Variants in SMYD3 observed in about 807,000 individuals in gnomAD.
SMYD3 encodes the protein histone-lysine N-methyltransferase SMYD3.
SMYD3 carries 36 observed loss-of-function variants against 57.7 expected under a neutral mutation model. That is an observed-to-expected ratio of 0.62 (90% CI 0.48 to 0.82). The LOEUF is 0.82. Among genes scored for constraint, SMYD3 ranks in the 40% least tolerant of loss-of-function variants. SMYD3 has a pLI of 0.00. For synonymous variants in SMYD3, 211 were observed against 195.0 expected, an observed-to-expected ratio of 1.08 and a Z score of -0.68; for missense variants, 515 against 538.8, an observed-to-expected ratio of 0.96 and a Z score of 0.44.
intron 11 of SMYD3, among the ~76,000 whole-genome samples, chr1:245,757,626 T>A (rs1369275577): frequency 6.6e-6 from 1 of 152,142 alleles, no homozygotes. Flanking sequence ...AGGGTCTAAC[T>A]TTATTCTTTT....
At chr1:245,870,069 C>T (rs1210987730) in intron 8 of SMYD3, among the ~76,000 whole-genome samples, 3 of 152,150 alleles carry the variant, frequency 2.0e-5, no homozygotes, top group Non-Finnish European at 4.4e-5. Flanking sequence ...CCAGTGCCTG[C>T]AAGGTAAATC....
At chr1:246,161,633 A>G (rs941933186) in intron 5 of SMYD3, among the ~76,000 whole-genome samples, 1 of 152,248 alleles carries the variant, frequency 6.6e-6, no homozygotes, top group Admixed American at 6.5e-5. Context: ...GCCTAGCAGT[A>G]AACCTGCAAC....
intron 8 of SMYD3, among the ~76,000 whole-genome samples, chr1:245,867,298 A>G (rs2051909590): frequency 6.6e-6 from 1 of 152,218 alleles, no homozygotes; most frequent in South Asian, 2.1e-4. Context: ...CCACACCTTG[A>G]TTTTGGCCTT....
chr1:246,448,696 C>CT (rs59432098), intron 1 of SMYD3, among the ~76,000 whole-genome samples: 1,246 of 85,558 alleles, frequency 0.015, 29 homozygotes, highest in African/African-American at 0.04. Flanking sequence ...GATCTCATCT[C>CT]TTTTTTTTAA....
chr1:246,128,134 A>G (rs947526530), intron 5 of SMYD3, among the ~76,000 whole-genome samples: 6 of 152,180 alleles, frequency 3.9e-5, no homozygotes, highest in Admixed American at 3.9e-4. Flanking sequence ...TAACAATCAA[A>G]TACCTCCAAG....
At chr1:246,396,401 G>A (rs77651504) in intron 1 of SMYD3, among the ~76,000 whole-genome samples, 4,367 of 152,156 alleles carry the variant, frequency 0.029, 105 homozygotes, top group Non-Finnish European at 0.043. Flanking sequence ...CAAAGCTCTC[G>A]AAGTTTCTGC....
In SMYD3 at chr1:246,041,780, T is replaced by A. The variant is rs571041085; in HGVS notation, c.532-111843A>T. 2.1e-3 allele frequency among the ~76,000 whole-genome samples: 318 copies of A among 151,946 alleles called. 3 individuals carry two copies. Among genetic ancestry groups the A allele is most frequent in the African/African-American group, 6.7e-3 (278 of 41,414 alleles). The stretch of plus-strand genomic sequence containing the variant: ...CTTCCAATGGACGGACTCAGAGTTA[T>A]ACCTAGCTCAATCTAGATGGTATGT... On this transcript the variant is annotated intron_variant, in intron 5 of 11. Coordinates refer to ENST00000490107, the MANE Select transcript of SMYD3 (RefSeq NM_001167740.2).
chr1:246,255,248 A>G (rs6700221), intron 5 of SMYD3, among the ~76,000 whole-genome samples: 40,252 of 151,360 alleles, frequency 0.27, 6,025 homozygotes, highest in East Asian at 0.58. Context: ...CATTCAGGAT[A>G]ATGTTGGCTA....
chr1:246,120,488 T>A (rs982364957), intron 5 of SMYD3, among the ~76,000 whole-genome samples: 7 of 152,152 alleles, frequency 4.6e-5, no homozygotes, highest in Admixed American at 4.6e-4. Context: ...ACTGAGGCTC[T>A]CCTCTTCAGT....
chr1:245,751,578 AAG>A (rs370696961), intron 11 of SMYD3, among the ~76,000 whole-genome samples: 2,430 of 113,532 alleles, frequency 0.021, 77 homozygotes, highest in African/African-American at 0.082. Flanking sequence ...GAGAAAGAGA[AAG>A]AGAGAGAGAG....
chr1:246,408,121 A>G (rs2066898031), intron 1 of SMYD3, among the ~76,000 whole-genome samples: 1 of 152,030 alleles, frequency 6.6e-6, no homozygotes, highest in Non-Finnish European at 1.5e-5. Context: ...ACCTCCCCGA[A>G]GCACCACCTC....
intron 10 of SMYD3, among the ~76,000 whole-genome samples, chr1:245,841,211 A>G (rs1248668841): frequency 2.5e-4 from 38 of 152,240 alleles, no homozygotes; most frequent in Admixed American, 2.4e-3. Context: ...TAAAATAAAG[A>G]TTTAATACTC....
intron 5 of SMYD3, 102 bp downstream of exon 5, chr1:246,327,099 T>C (rs900229639): frequency 3.5e-6 from 5 of 1,438,224 alleles, no homozygotes; most frequent in Non-Finnish European, 4.9e-6. Flanking sequence ...ATTAAGGGTC[T>C]TGAATTTCCT....
chr1:246,018,573 C>G (rs2059416885), intron 5 of SMYD3, among the ~76,000 whole-genome samples: 1 of 152,172 alleles, frequency 6.6e-6, no homozygotes, highest in Non-Finnish European at 1.5e-5. Flanking sequence ...CGTGCTTTGT[C>G]TATTTACCTA....
chr1:245,879,815 TG>T (rs1488372144), intron 8 of SMYD3, among the ~76,000 whole-genome samples: 2 of 152,190 alleles, frequency 1.3e-5, no homozygotes, highest in Non-Finnish European at 2.9e-5. Flanking sequence ...AATAAAACTC[TG>T]TAATGGAAGT....
intron 5 of SMYD3, chr1:246,026,147 C>A (rs80256143): frequency 0.056 from 8,291 of 148,572 alleles, 295 homozygotes; most frequent in African/African-American, 0.1. Flanking sequence ...CTTCATCCCC[C>A]ACCCGCCAAA....
chr1:245,910,036 AGAC>A (rs2054855750), intron 8 of SMYD3, among the ~76,000 whole-genome samples: 1 of 152,168 alleles, frequency 6.6e-6, no homozygotes, highest in African/African-American at 2.4e-5. Flanking sequence ...CCTTGTTCAC[AGAC>A]AACATGATCT....
At chr1:246,309,861 C>T (rs144680380) in intron 5 of SMYD3, among the ~76,000 whole-genome samples, 233 of 152,234 alleles carry the variant, frequency 1.5e-3, no homozygotes, top group African/African-American at 5.0e-3. Context: ...TGATTTGTCT[C>T]TGCAAAAGAA....
chr1:246,343,934 G>T (rs1009300302), intron 2 of SMYD3, among the ~76,000 whole-genome samples: 1 of 152,050 alleles, frequency 6.6e-6, no homozygotes, highest in African/African-American at 2.4e-5. Flanking sequence ...CTACTTACTT[G>T]AAATATAATT....
Sources: gnomAD v4.1 joint callset for allele counts (sites outside exome capture counted in the v4.1 genomes callset) on GRCh38, gnomAD v4.1.1 for gene constraint, MANE v1.5 for transcripts, NCBI Gene and HGNC (gene_info 2026-07-23, HGNC 2026-07-21) for gene names.